Variants in ADGRB3 observed in about 807,000 individuals in gnomAD.
ADGRB3 encodes brain-specific angiogenesis inhibitor 3.
In ADGRB3, 37 loss-of-function variants were observed where a neutral mutation model predicts 193.4. The ratio of observed to expected loss-of-function variants is 0.19; its 90% CI spans 0.15 to 0.25. The LOEUF (loss-of-function observed/expected upper bound fraction) is 0.25. ADGRB3 is among the 10% of genes least tolerant of loss of function. The probability of loss-of-function intolerance (pLI) is 1.00; values close to 1 mark genes in which losing one functional copy is unlikely to be tolerated. For missense variants in ADGRB3, 1,637 were observed against 1,852.9 expected (o/e 0.88, Z 2.14); for synonymous variants, 690 against 644.2 (o/e 1.07, Z -1.08).
chr6:68,834,885 C>T (rs1220223938), intron 3 of ADGRB3, among the ~76,000 whole-genome samples: 3 of 151,868 alleles, frequency 2.0e-5, no homozygotes, highest in African/African-American at 7.3e-5. Flanking sequence ...GACCCCAAGC[C>T]TTTAAGTTTC....
At chr6:68,867,128 C>T (rs1765317492) in intron 3 of ADGRB3, among the ~76,000 whole-genome samples, 1 of 152,192 alleles carries the variant, frequency 6.6e-6, no homozygotes, top group African/African-American at 2.4e-5. Context: ...CATTTCAGAG[C>T]TCTTCATGGC....
chr6:69,278,508 T>C (rs1767351237), intron 20 of ADGRB3, among the ~76,000 whole-genome samples: 2 of 152,204 alleles, frequency 1.3e-5, no homozygotes, highest in African/African-American at 4.8e-5. Flanking sequence ...TTTTCATCTC[T>C]TCATATTGCC....
At chr6:68,772,890 A>AC (rs1554191366) in intron 3 of ADGRB3, among the ~76,000 whole-genome samples, 2 of 46,118 alleles carry the variant, frequency 4.3e-5, no homozygotes, top group African/African-American at 2.3e-4. Context: ...AACAAAAAAA[A>AC]AAAAATATAT....
intron 3 of ADGRB3, among the ~76,000 whole-genome samples, chr6:68,708,737 A>T (rs1483377741): frequency 6.6e-6 from 1 of 152,342 alleles, no homozygotes; most frequent in African/African-American, 2.4e-5. Context: ...CTGTTGATCC[A>T]TGTCAGATTT....
chr6:69,322,755 G>T (rs982982606), intron 20 of ADGRB3, among the ~76,000 whole-genome samples: 1 of 151,794 alleles, frequency 6.6e-6, no homozygotes, highest in Non-Finnish European at 1.5e-5. Context: ...TTAGTTTTGC[G>T]ACTTAAACCT....
chr6:68,866,510 G>A (rs972186025), intron 3 of ADGRB3, among the ~76,000 whole-genome samples: 4 of 152,284 alleles, frequency 2.6e-5, no homozygotes, highest in African/African-American at 4.8e-5. Flanking sequence ...GTGGTACCAC[G>A]AGAGTGGGTC....
chr6:68,922,707 A>G (rs1425395696), intron 3 of ADGRB3, among the ~76,000 whole-genome samples: 2 of 152,208 alleles, frequency 1.3e-5, no homozygotes, highest in Non-Finnish European at 2.9e-5. Context: ...AGGGAATTTA[A>G]GGCGTGATGC....
chr6:69,059,427 A>C (rs904254942), intron 15 of ADGRB3, among the ~76,000 whole-genome samples: 3 of 152,148 alleles, frequency 2.0e-5, no homozygotes, highest in African/African-American at 7.2e-5. Flanking sequence ...GATATGGTTC[A>C]TGTGCCTTTA....
At chr6:69,009,849 A>T (rs898552738) in intron 11 of ADGRB3, among the ~76,000 whole-genome samples, 1 of 152,108 alleles carries the variant, frequency 6.6e-6, no homozygotes, top group Non-Finnish European at 1.5e-5. Flanking sequence ...TGAAATTGCT[A>T]GCCTAATCTA....
intron 17 of ADGRB3, among the ~76,000 whole-genome samples, chr6:69,181,450 G>A (rs962434830): frequency 6.6e-6 from 1 of 151,758 alleles, no homozygotes. Context: ...ACCTATAAAT[G>A]CACGATATAT....
chr6:68,945,847 G>A (rs1767762135), intron 6 of ADGRB3, among the ~76,000 whole-genome samples: 1 of 152,032 alleles, frequency 6.6e-6, no homozygotes, highest in Admixed American at 6.6e-5. Context: ...TATGGTTGTG[G>A]AACTTTATCA....
intron 3 of ADGRB3, among the ~76,000 whole-genome samples, chr6:68,868,236 G>C (rs1765358488): frequency 1.3e-5 from 2 of 152,112 alleles, no homozygotes; most frequent in Non-Finnish European, 2.9e-5. Flanking sequence ...GAGTGAGTTA[G>C]TTCTATGAGA....
At chr6:69,359,107 C>A (rs999058225) in intron 28 of ADGRB3, among the ~76,000 whole-genome samples, 29 of 151,560 alleles carry the variant, frequency 1.9e-4, no homozygotes, top group Non-Finnish European at 3.5e-4. Flanking sequence ...TTAAACTTAT[C>A]TATATATTTT....
At chr6:69,297,340 A>ATCTCTCTCTC (rs386407481) in intron 20 of ADGRB3, among the ~76,000 whole-genome samples, 149 of 111,862 alleles carry the variant, frequency 1.3e-3, no homozygotes, top group African/African-American at 3.8e-3. Flanking sequence ...TTCTACTGAT[A>ATCTCTCTCTC]TCTCTCTCTC....
intron 3 of ADGRB3, among the ~76,000 whole-genome samples, chr6:68,858,592 CAA>C (rs11458724): frequency 0.14 from 13,332 of 93,124 alleles, 739 homozygotes; most frequent in Middle Eastern, 0.2. Context: ...GACCCTGACT[CAA>C]AAAAAAAAAA....
At chr6:68,699,941 C>A (rs1765214997) in intron 3 of ADGRB3, among the ~76,000 whole-genome samples, 2 of 152,142 alleles carry the variant, frequency 1.3e-5, no homozygotes, top group African/African-American at 4.8e-5. Flanking sequence ...GACATCTTCA[C>A]TCCTAACTGT....
intron 12 of ADGRB3, among the ~76,000 whole-genome samples, chr6:69,016,466 G>T (rs1395078499): frequency 6.6e-6 from 1 of 151,878 alleles, no homozygotes; most frequent in Non-Finnish European, 1.5e-5. Context: ...AGCACCCTTT[G>T]TCACGCATAA....
intron 29 of ADGRB3, among the ~76,000 whole-genome samples, chr6:69,363,799 C>T (rs1043699772): frequency 2.0e-5 from 3 of 151,934 alleles, no homozygotes; most frequent in East Asian, 1.9e-4. Context: ...GCTTTCTTCT[C>T]GGGCAGCATG....
chr6:68,642,730 T>C (rs1447898221), intron 3 of ADGRB3, among the ~76,000 whole-genome samples: 1 of 58,162 alleles, frequency 1.7e-5, no homozygotes, highest in Admixed American at 1.7e-4. Context: ...AATGAAGCCT[T>C]TTTTTTTTTT....
Sources: allele counts gnomAD v4.1 joint callset (sites outside exome capture counted in the v4.1 genomes callset), GRCh38; gene constraint gnomAD v4.1.1; transcripts MANE v1.5; gene names NCBI Gene and HGNC (gene_info 2026-07-23, HGNC 2026-07-21).